Variants in ZMYND8 observed in about 807,000 individuals in gnomAD.
ZMYND8 encodes zinc finger MYND-type containing 8.
A neutral mutation model predicts 140.8 loss-of-function variants in ZMYND8; 37 were observed. The observed-to-expected ratio is 0.26, with a 90% CI of 0.20 to 0.35. ZMYND8 has a LOEUF of 0.35. ZMYND8 is among the 10% of genes least tolerant of loss of function. The probability of loss-of-function intolerance (pLI) is 1.00; values close to 1 mark genes in which losing one functional copy is unlikely to be tolerated. For synonymous variants in ZMYND8, 592 were observed against 597.1 expected, an observed-to-expected ratio of 0.99 and a Z score of 0.12; for missense variants, 1,068 against 1,570.0, an observed-to-expected ratio of 0.68 and a Z score of 5.40.
intron 21 of ZMYND8, among the ~76,000 whole-genome samples, chr20:47,216,150 T>A (rs998603433): frequency 6.6e-6 from 1 of 151,912 alleles, no homozygotes; most frequent in East Asian, 1.9e-4. Context: ...ACTTGAGAAA[T>A]AGCCATCATG....
chr20:47,273,293 C>A (rs1390357523), intron 11 of ZMYND8, among the ~76,000 whole-genome samples: 9 of 152,156 alleles, frequency 5.9e-5, no homozygotes, highest in Non-Finnish European at 1.2e-4. Context: ...ATTCCAGTGT[C>A]TGGACACCTC....
intron 1 of ZMYND8, chr20:47,356,242 C>T: frequency 1.3e-6 from 1 of 788,856 alleles, no homozygotes; most frequent in South Asian, 1.9e-5. Context: ...CCCAGCAGGG[C>T]ATGTGGCAAA....
chr20:47,222,540 A>G (rs956073855), intron 19 of ZMYND8, among the ~76,000 whole-genome samples: 4 of 149,468 alleles, frequency 2.7e-5, no homozygotes, highest in African/African-American at 9.8e-5. Context: ...CGTCTCAACG[A>G]AAAAAAAAAG....
At chr20:47,322,061 A>G (rs1247021268) in intron 2 of ZMYND8, among the ~76,000 whole-genome samples, 1 of 151,838 alleles carries the variant, frequency 6.6e-6, no homozygotes, top group Non-Finnish European at 1.5e-5. Flanking sequence ...GGGTCTCGCC[A>G]TGTTGCCCAG....
chr20:47,210,471 G>GTTAA lies in ZMYND8; in HGVS notation c.*286_*289dup, dbSNP rs1434346146. ...CTTTTTTTTTTTTTAATAAGTTAAAGTTAATACAAATATAAAAAGGGGAAA... is the reference window on the plus strand; with the variant it reads ...CTTTTTTTTTTTTTAATAAGTTAAAGTTAATTAATACAAATATAAAAAGGGGAAA... On this transcript the variant is annotated 3_prime_UTR_variant, in exon 23 of 23. Coordinates refer to ENST00000471951, the MANE Select transcript of ZMYND8 (RefSeq NM_001281775.3). 1.3e-5 allele frequency: 2 copies of GTTAA among 156,690 alleles called. No individual in the cohort carries two copies. Among genetic ancestry groups the GTTAA allele is most frequent in the Non-Finnish European group, 2.5e-5 (2 of 79,402 alleles). 9.7% of individuals were successfully genotyped at this position (156,690 alleles called of 1,614,324 possible).
intron 13 of ZMYND8, among the ~76,000 whole-genome samples, chr20:47,248,395 A>T (rs1276655754): frequency 6.6e-6 from 1 of 152,228 alleles, no homozygotes; most frequent in Non-Finnish European, 1.5e-5. Flanking sequence ...AGGCAACCCA[A>T]CGGGAGCTGT....
rs2073971155 is a variant in ZMYND8, at chr20:47,249,205, CT to C, written c.1774+81del. Reference sequence around the variant, plus strand: ...CTGCTAAAAGCAGCCAGGATTCAACCTTGATTTCATCCAGGTGGTATCCCTA... The same window carrying C: ...CTGCTAAAAGCAGCCAGGATTCAACCTGATTTCATCCAGGTGGTATCCCTA... On this transcript the variant is annotated intron_variant, in intron 13 of 22. Transcript: ENST00000471951. 3.6e-5 allele frequency: 55 copies of C among 1,511,248 alleles called. No homozygotes were observed. The South Asian group carries it at 7.3e-4, about 20-fold the overall frequency. 93.6% of individuals were successfully genotyped at this position (1,511,248 alleles called of 1,614,324 possible). A position where few individuals can be genotyped will look rare whatever the true frequency, so the allele number is the denominator to read the frequency against.
intron 18 of ZMYND8, among the ~76,000 whole-genome samples, chr20:47,226,376 G>A (rs535923561): frequency 1.2e-3 from 177 of 152,250 alleles, no homozygotes; most frequent in Middle Eastern, 0.01. Context: ...ACTACGTGAG[G>A]GGCTGAAGCA....
intron 2 of ZMYND8, among the ~76,000 whole-genome samples, chr20:47,313,519 G>A (rs1397323284): frequency 2.0e-5 from 3 of 152,082 alleles, no homozygotes; most frequent in Non-Finnish European, 4.4e-5. Context: ...CTACTCGGGA[G>A]GCTGAGGCAG....
chr20:47,332,128 T>C (rs565754422), intron 2 of ZMYND8, among the ~76,000 whole-genome samples: 1 of 152,156 alleles, frequency 6.6e-6, no homozygotes, highest in South Asian at 2.1e-4. Flanking sequence ...CTGACCAACA[T>C]GGTGAAACCC....
At chr20:47,272,062 G>A (rs2075982136) in intron 11 of ZMYND8, among the ~76,000 whole-genome samples, 1 of 151,632 alleles carries the variant, frequency 6.6e-6, no homozygotes, top group African/African-American at 2.4e-5. Context: ...AAAAAGGGGG[G>A]GGGGAGTAAT....
In ZMYND8 at chr20:47,220,323, G is replaced by A. The variant is rs1383660587; in HGVS notation, c.3419C>T (p.Thr1140Ile). 12 of 1,556,960 alleles carry A rather than the reference G, an allele frequency of 7.7e-6. No homozygotes were observed. The highest frequency in any genetic ancestry group is 1.0e-5 in the Non-Finnish European group (12 of 1,149,690). ...SAEKSKESGS[T>I]LDLSGSRETP... ...CTCTCTGGAGCCAGAAAGGTCAAGGGTCTAGAAATACAAAAAGAAAAAGAT... is the reference window on the plus strand; with the variant it reads ...CTCTCTGGAGCCAGAAAGGTCAAGGATCTAGAAATACAAAAAGAAAAAGAT... The change falls in exon 21 of 23, where the codon ACC becomes ATC. Residue 1140 changes from threonine to isoleucine, a missense_variant and splice_region_variant. Thr to Ile is a moderately conservative substitution (Grantham distance 89). Around this residue, in one of 10 missense-constraint regions of ZMYND8, gnomAD observed 180 missense variants for 187.8 expected, o/e 0.96. Transcript: ENST00000471951.
intron 2 of ZMYND8, among the ~76,000 whole-genome samples, chr20:47,313,672 C>T (rs2148263250): frequency 6.6e-6 from 1 of 151,458 alleles, no homozygotes; most frequent in South Asian, 2.1e-4. Flanking sequence ...TGGCTCACAC[C>T]TGTAATCTCA....
chr20:47,299,004 G>A, intron 3 of ZMYND8, 57 bp from the exon 4 acceptor site: 2 of 1,539,510 alleles, frequency 1.3e-6, no homozygotes, highest in Non-Finnish European at 1.8e-6. Context: ...ATTCTCAAAA[G>A]GAATTTGAAC....
chr20:47,239,200 G>A (rs1299631945), intron 14 of ZMYND8, 62 bp from the exon 15 acceptor site: 1 of 1,462,446 alleles, frequency 6.8e-7, no homozygotes, highest in South Asian at 1.5e-5. Flanking sequence ...CACCTGCACG[G>A]TCTTGACGCC....
intron 8 of ZMYND8, among the ~76,000 whole-genome samples, chr20:47,284,473 G>C (rs978477552): frequency 4.6e-5 from 7 of 152,158 alleles, no homozygotes; most frequent in African/African-American, 1.7e-4. Context: ...AGCCCTAAGT[G>C]TCAGCAGTAC....
At chr20:47,322,308 G>T (rs2080024932) in intron 2 of ZMYND8, among the ~76,000 whole-genome samples, 1 of 152,144 alleles carries the variant, frequency 6.6e-6, no homozygotes, top group Non-Finnish European at 1.5e-5. Context: ...AACACACCTA[G>T]CAGGTGTGAG....
At chr20:47,340,730 C>T (rs866839404) in intron 2 of ZMYND8, among the ~76,000 whole-genome samples, 73 of 151,368 alleles carry the variant, frequency 4.8e-4, no homozygotes, top group Admixed American at 8.6e-4. Context: ...AAGGTTGCAG[C>T]GAGCCAAGGT....
chr20:47,321,364 T>C (rs1056566424), intron 2 of ZMYND8, among the ~76,000 whole-genome samples: 12 of 152,202 alleles, frequency 7.9e-5, no homozygotes, highest in Admixed American at 2.0e-4. Context: ...ACATTTTTGG[T>C]TGTCACAACT....
Sources: gnomAD v4.1 joint callset for allele counts (sites outside exome capture counted in the v4.1 genomes callset) on GRCh38, gnomAD v4.1.1 for gene constraint, gnomAD v4.1.1 regional missense constraint, MANE v1.5 for transcripts, NCBI Gene and HGNC (gene_info 2026-07-23, HGNC 2026-07-21) for gene names.